Variants in CDK15 observed in about 807,000 individuals in gnomAD.
CDK15 encodes the protein cyclin-dependent kinase 15.
In CDK15, 62 loss-of-function variants were observed where a neutral mutation model predicts 60.3. That is an observed-to-expected ratio of 1.03 (90% CI 0.84 to 1.27). The LOEUF (loss-of-function observed/expected upper bound fraction) is 1.27, where lower values mean the gene tolerates loss of function less well. CDK15 is among the 50% of genes most tolerant of loss of function. The probability of loss-of-function intolerance (pLI) is 0.00; values close to 1 mark genes in which losing one functional copy is unlikely to be tolerated. For synonymous variants in CDK15, 194 were observed against 195.7 expected (o/e 0.99, Z 0.07); for missense variants, 541 against 527.8 (o/e 1.03, Z -0.25).
At chr2:201,821,877 C>T (rs1387601536) in intron 4 of CDK15, among the ~76,000 whole-genome samples, 2 of 152,060 alleles carry the variant, frequency 1.3e-5, no homozygotes, top group Non-Finnish European at 2.9e-5. Context: ...GACGGGGTTT[C>T]ACCGCGTTGG....
chr2:201,841,483 C>G (rs1697377183), intron 8 of CDK15, among the ~76,000 whole-genome samples: 1 of 152,164 alleles, frequency 6.6e-6, no homozygotes, highest in South Asian at 2.1e-4. Context: ...ACACTGAGAT[C>G]CCTCTCCTCC....
chr2:201,893,790 A>T lies in CDK15; in HGVS notation c.*523A>T, dbSNP rs1699704747. On this transcript the variant is annotated 3_prime_UTR_variant, in exon 14 of 14. Coordinates refer to ENST00000652192, the MANE Select transcript of CDK15 (RefSeq NM_001366386.2). ...TGGTTTCTTGGATAACATTGTTAACAAAAGGACTTCCTGAGGACTATTTAT... is the reference window on the plus strand; with the variant it reads ...TGGTTTCTTGGATAACATTGTTAACTAAAGGACTTCCTGAGGACTATTTAT... 6.6e-6 allele frequency: 1 copy of T among 152,232 alleles called. No individual in the cohort carries two copies. The highest frequency in any genetic ancestry group is 2.4e-5 in the African/African-American group (1 of 41,454). 9.4% of individuals were successfully genotyped at this position (152,232 alleles called of 1,614,324 possible).
chr2:201,817,616 C>G (rs1307818240), intron 4 of CDK15, among the ~76,000 whole-genome samples: 1 of 152,102 alleles, frequency 6.6e-6, no homozygotes, highest in African/African-American at 2.4e-5. Flanking sequence ...TATGAGAAAA[C>G]TGAGCCAAAA....
chr2:201,819,521 G>T (rs1006616659), intron 4 of CDK15, among the ~76,000 whole-genome samples: 10 of 152,184 alleles, frequency 6.6e-5, no homozygotes, highest in African/African-American at 2.4e-4. Flanking sequence ...TTGGAACCAG[G>T]AGGCACATGC....
chr2:201,844,874 T>C (rs1697575437), intron 8 of CDK15, among the ~76,000 whole-genome samples: 1 of 151,972 alleles, frequency 6.6e-6, no homozygotes, highest in Admixed American at 6.6e-5. Context: ...TAAGGCCGGG[T>C]GTGGTGGCTC....
At chr2:201,842,903 C>T (rs1003426462) in intron 8 of CDK15, among the ~76,000 whole-genome samples, 3 of 152,136 alleles carry the variant, frequency 2.0e-5, no homozygotes, top group African/African-American at 2.4e-5. Flanking sequence ...GGCTGCCCCA[C>T]GGGTATCTCC....
At chr2:201,857,961 T>G (rs187621304) in intron 10 of CDK15, among the ~76,000 whole-genome samples, 94 of 152,240 alleles carry the variant, frequency 6.2e-4, no homozygotes, top group Middle Eastern at 3.4e-3. Flanking sequence ...TCAGCAGCAT[T>G]CTGGATGAGC....
At chr2:201,835,197 C>T (rs781469855) in intron 7 of CDK15, among the ~76,000 whole-genome samples, 48 of 152,184 alleles carry the variant, frequency 3.2e-4, no homozygotes, top group Non-Finnish European at 6.3e-4. Flanking sequence ...GCAGGCAGAG[C>T]ATGTATGGTG....
intron 10 of CDK15, among the ~76,000 whole-genome samples, chr2:201,859,809 A>C (rs986274616): frequency 2.0e-5 from 3 of 152,200 alleles, no homozygotes; most frequent in African/African-American, 7.2e-5. Context: ...ATTCCCTTTA[A>C]ATAGATGTTC....
At chr2:201,883,150 T>G (rs944069381) in intron 12 of CDK15, among the ~76,000 whole-genome samples, 3 of 152,234 alleles carry the variant, frequency 2.0e-5, no homozygotes, top group African/African-American at 4.8e-5. Context: ...ATAAAATTAT[T>G]TAGGGGCTTA....
chr2:201,837,891 G>T (rs1364494308), intron 8 of CDK15, among the ~76,000 whole-genome samples: 1 of 152,070 alleles, frequency 6.6e-6, no homozygotes, highest in Admixed American at 6.6e-5. Flanking sequence ...ATTAAGAAAG[G>T]TTGCAGACAT....
At chr2:201,833,040 T>C (rs976243940) in intron 6 of CDK15, among the ~76,000 whole-genome samples, 16 of 54,362 alleles carry the variant, frequency 2.9e-4, no homozygotes, top group African/African-American at 7.1e-4. Context: ...GTTTCTGTAG[T>C]GATGGGAACC....
intron 4 of CDK15, among the ~76,000 whole-genome samples, chr2:201,820,719 AG>A (rs1696184538): frequency 6.6e-6 from 1 of 152,150 alleles, no homozygotes; most frequent in African/African-American, 2.4e-5. Context: ...CATCTCAAAA[AG>A]GGGGAAAGTC....
Position 201,835,692 on chromosome 2 carries a change from C to G in CDK15, c.780C>G (p.Val260=), listed in dbSNP as rs750387415. 1 of 1,611,370 alleles carries G rather than the reference C, an allele frequency of 6.2e-7. No homozygotes were observed. The highest frequency in any genetic ancestry group is 8.5e-7 in the Non-Finnish European group (1 of 1,178,440). The part of the protein sequence containing the change: ...SIPSQTYSSE[V]VTLWYRPPDA... ...CCAGCCAGACATACTCTTCAGAAGT[C>G]GTGACCCTCTGGTACCGGCCCCCTG... Residue 260 remains valine (V), a synonymous_variant, in exon 8 of 14, where the codon GTC becomes GTG. Transcript: ENST00000652192.
intron 6 of CDK15, chr2:201,824,727 G>A: frequency 1.8e-6 from 1 of 565,934 alleles, no homozygotes; most frequent in Non-Finnish European, 2.6e-6. Flanking sequence ...CAAAATGGCA[G>A]AATTCATATA....
intron 9 of CDK15, among the ~76,000 whole-genome samples, chr2:201,849,398 A>T (rs1196108738): frequency 1.3e-5 from 2 of 152,180 alleles, no homozygotes; most frequent in East Asian, 3.9e-4. Context: ...GAGGAAGCAC[A>T]ATTGCAGTTC....
intron 6 of CDK15, among the ~76,000 whole-genome samples, chr2:201,830,193 G>C (rs923689248): frequency 1.3e-5 from 2 of 152,028 alleles, no homozygotes; most frequent in Admixed American, 1.3e-4. Flanking sequence ...CTCCTGCCTT[G>C]GCCTCCCAAA....
chr2:201,846,320 A>T (rs1697660231), intron 8 of CDK15, among the ~76,000 whole-genome samples: 1 of 151,952 alleles, frequency 6.6e-6, no homozygotes, highest in African/African-American at 2.4e-5. Flanking sequence ...TGGTGAAATC[A>T]CGTTTCTACT....
At chr2:201,867,462 G>A (rs1042332322) in intron 10 of CDK15, among the ~76,000 whole-genome samples, 5 of 152,094 alleles carry the variant, frequency 3.3e-5, no homozygotes, top group Admixed American at 2.6e-4. Context: ...CATCTCTACA[G>A]AAAATTTTAA....
Sources: allele counts gnomAD v4.1 joint callset (sites outside exome capture counted in the v4.1 genomes callset), GRCh38; gene constraint gnomAD v4.1.1; transcripts MANE v1.5; gene names NCBI Gene and HGNC (gene_info 2026-07-23, HGNC 2026-07-21).